The following XPO5 variants were observed in gnomAD, a reference collection of about 807,000 sequenced individuals.
XPO5 encodes exportin-5.
A neutral mutation model predicts 160.6 loss-of-function variants in XPO5; 46 were observed. That is an observed-to-expected ratio of 0.29 (90% CI 0.23 to 0.37). The LOEUF is 0.37. XPO5 is among the 10% of genes least tolerant of loss of function. The probability of loss-of-function intolerance (pLI) is 1.00; values close to 1 mark genes in which losing one functional copy is unlikely to be tolerated. For missense variants in XPO5, 1,090 were observed against 1,463.9 expected (o/e 0.74, Z 4.17); for synonymous variants, 537 against 519.3 (o/e 1.03, Z -0.46).
rs1763136727 is a variant in XPO5 at position 43,573,821 on chromosome 6, A to AT, written c.106-221dup. ...CTCTATTAAATATATATATATATAT[A>AT]TATTTTTTTTTTTTTTTTTTGAGAC... On this transcript the variant is annotated intron_variant, in intron 1 of 31. Coordinates refer to ENST00000265351, the MANE Select transcript of XPO5 (RefSeq NM_020750.3). 1.8e-4 allele frequency among the ~76,000 whole-genome samples: 22 copies of AT among 122,690 alleles called. No individual in the cohort carries two copies. In the South Asian group the frequency reaches 3.9e-3, roughly 22 times the overall value. 80.5% of individuals were successfully genotyped at this position (122,690 alleles called of 152,430 possible).
At chr6:43,563,846 T>C (rs1762544108) in intron 8 of XPO5, among the ~76,000 whole-genome samples, 1 of 152,132 alleles carries the variant, frequency 6.6e-6, no homozygotes, top group Admixed American at 6.5e-5. Context: ...GAGTGAGTGG[T>C]GAGTGAATGT....
chr6:43,528,906 C>T lies in XPO5; in HGVS notation c.2697G>A (p.Leu899=). The T allele has an allele frequency of 6.2e-7, 1 of 1,613,220 alleles. No individual in the cohort carries two copies. The highest frequency in any genetic ancestry group is 8.5e-7 in the Non-Finnish European group (1 of 1,179,736). ...RPMLRVFVKP[L]VLFCPPEHYE... ...AGTGCTCTGGGGGACAGAAGAGCACCAGAGGCTTTACAAAGACACGTGCTG... is the reference window on the plus strand; with the variant it reads ...AGTGCTCTGGGGGACAGAAGAGCACTAGAGGCTTTACAAAGACACGTGCTG... The change falls in exon 24 of 32, where the codon CTG becomes CTA. Residue 899 remains leucine, a synonymous_variant. Coordinates refer to ENST00000265351, the MANE Select transcript of XPO5 (RefSeq NM_020750.3).
rs149853219 is a variant in XPO5, at chr6:43,574,747, G to A, written c.105+1013C>T. Reference sequence around the variant, plus strand: ...AAAAAGTAAATGCGGTAAAATCTTTGATTGCTGAATTTAGGTGACAGGAAC... The same window carrying A: ...AAAAAGTAAATGCGGTAAAATCTTTAATTGCTGAATTTAGGTGACAGGAAC... On this transcript the variant is annotated intron_variant, in intron 1 of 31. Transcript: ENST00000265351. Among the ~76,000 whole-genome samples the A allele has an allele frequency of 1.1e-4, 17 of 152,084 alleles. No homozygotes were observed. In the East Asian group the frequency reaches 3.3e-3, roughly 29 times the overall value.
At position 43,522,714 on chromosome 6, in the gene XPO5, C is replaced by CT. The variant is rs1793270482; in HGVS notation, c.*1153dup. 1 of 502,210 alleles carries CT rather than the reference C, an allele frequency of 2.0e-6. No individual in the cohort carries two copies. Among genetic ancestry groups the CT allele is most frequent in the Non-Finnish European group, 4.1e-6 (1 of 241,150 alleles). 31.1% of individuals were successfully genotyped at this position (502,210 alleles called of 1,614,324 possible). On this transcript the variant is annotated 3_prime_UTR_variant, in exon 32 of 32. Coordinates refer to ENST00000265351, the MANE Select transcript of XPO5 (RefSeq NM_020750.3). ...CCACTTCGGCTCTCGGGGAAACCCT[C>CT]TTGTCAGTGGACTGGATGGACAACA...
At position 43,560,007 on chromosome 6, in the gene XPO5, C is replaced by T. The variant is rs1274846822; in HGVS notation, c.1221+171G>A. 2.0e-5 allele frequency among the ~76,000 whole-genome samples: 3 copies of T among 152,234 alleles called. No individual in the cohort carries two copies. The East Asian group carries it at 5.8e-4, about 29-fold the overall frequency. ...AATTTTTTTGTATTTTTAGTAGAGA[C>T]GAGGTTTTGCCATGTCGCACAGGCT... is the stretch of plus-strand genomic sequence containing the variant. On this transcript the variant is annotated intron_variant, in intron 11 of 31. Transcript: ENST00000265351.
chr6:43,561,254 C>T, intron 9 of XPO5: 1 of 408,128 alleles, frequency 2.5e-6, no homozygotes, highest in Non-Finnish European at 4.4e-6. Flanking sequence ...TGTGGTCAAA[C>T]AGTAAAATAA....
intron 20 of XPO5, among the ~76,000 whole-genome samples, chr6:43,540,109 G>T (rs557430342): frequency 5.9e-5 from 9 of 152,252 alleles, no homozygotes; most frequent in Admixed American, 4.6e-4. Flanking sequence ...TACAAAATTA[G>T]CTGGGCATGG....
At chr6:43,564,624 A>G (rs527929962) in intron 8 of XPO5, among the ~76,000 whole-genome samples, 1 of 152,136 alleles carries the variant, frequency 6.6e-6, no homozygotes, top group South Asian at 2.1e-4. Context: ...TTTTTTTGAG[A>G]CAAGGTCTCA....
At chr6:43,526,074 G>T in intron 27 of XPO5, 153 bp from the exon 28 acceptor site, 1 of 691,274 alleles carries the variant, frequency 1.4e-6, no homozygotes, top group Non-Finnish European at 2.4e-6. Flanking sequence ...TCCACATAAT[G>T]CCCATGCCCA....
Position 43,561,054 on chromosome 6 carries a change from GGA to G in XPO5, c.1012-49_1012-48del, listed in dbSNP as rs770206276. 294 of 1,474,310 alleles carry G rather than the reference GGA, an allele frequency of 2.0e-4. 1 individual carries two copies. The highest frequency in any genetic ancestry group is 2.4e-4 in the Non-Finnish European group (255 of 1,058,560). The allele number at this position is 1,474,310 out of a possible 1,614,324, so 91.3% of individuals were successfully genotyped here. On this transcript the variant is annotated intron_variant, in intron 9 of 31. Transcript: ENST00000265351. Reference sequence around the variant, plus strand: ...TTAACGGTGTTGATCGAGAAAAGCAGGAGAGGAAAAAGCAGGGAAGTAATAAA... The same window carrying G: ...TTAACGGTGTTGATCGAGAAAAGCAGGAGGAAAAAGCAGGGAAGTAATAAA...
chr6:43,526,164 A>C, intron 27 of XPO5: 3 of 509,542 alleles, frequency 5.9e-6, no homozygotes, highest in Non-Finnish European at 7.0e-6. Context: ...AATGCTGCAA[A>C]TACTGAAGTT....
chr6:43,564,129 C>T (rs1298547783), intron 8 of XPO5, among the ~76,000 whole-genome samples: 1 of 152,138 alleles, frequency 6.6e-6, no homozygotes, highest in Non-Finnish European at 1.5e-5. Flanking sequence ...ACCATGTTGG[C>T]CAGGCTGGTC....
At chr6:43,531,386 A>T in intron 22 of XPO5, 93 bp downstream of exon 22, 2 of 1,157,862 alleles carry the variant, frequency 1.7e-6, no homozygotes, top group Non-Finnish European at 2.6e-6. Context: ...GCCTCGCCTT[A>T]CCTGTACACT....
At chr6:43,548,514 A>C in intron 17 of XPO5, 54 bp from the exon 18 acceptor site, 3 of 1,417,050 alleles carry the variant, frequency 2.1e-6, no homozygotes, top group Non-Finnish European at 2.8e-6. Flanking sequence ...ATTTTCAAGG[A>C]GAGGTGGCTT....
intron 11 of XPO5, 55 bp from the exon 12 acceptor site, chr6:43,558,646 T>C (rs1172626151): frequency 8.8e-6 from 12 of 1,369,656 alleles, no homozygotes; most frequent in Non-Finnish European, 1.2e-5. Flanking sequence ...ACTGAAAGAG[T>C]TTTTAAGCTT....
intron 1 of XPO5, among the ~76,000 whole-genome samples, chr6:43,575,264 A>G (rs918308000): frequency 4.6e-5 from 7 of 152,224 alleles, no homozygotes; most frequent in African/African-American, 1.7e-4. Flanking sequence ...AGTTAGCGAG[A>G]TGTTAAAGCA....
intron 28 of XPO5, 128 bp from the exon 29 acceptor site, chr6:43,525,342 T>C: frequency 2.3e-6 from 2 of 882,922 alleles, no homozygotes; most frequent in South Asian, 3.5e-5. Flanking sequence ...TTTGTTTTGT[T>C]GCCCAGGCTG....
intron 20 of XPO5, among the ~76,000 whole-genome samples, chr6:43,537,791 G>C (rs1398788280): frequency 2.0e-5 from 3 of 152,164 alleles, no homozygotes; most frequent in African/African-American, 7.2e-5. Flanking sequence ...AGAGGGCCAG[G>C]CATGGTAGCT....
At chr6:43,535,652 T>C (rs778751153) in intron 20 of XPO5, among the ~76,000 whole-genome samples, 57 of 149,620 alleles carry the variant, frequency 3.8e-4, no homozygotes, top group Middle Eastern at 6.8e-3. Flanking sequence ...CTACTAAAAA[T>C]ACAAAAGCTA....
Sources: gnomAD v4.1 joint callset for allele counts (sites outside exome capture counted in the v4.1 genomes callset) on GRCh38, gnomAD v4.1.1 for gene constraint, MANE v1.5 for transcripts, NCBI Gene and HGNC (gene_info 2026-07-23, HGNC 2026-07-21) for gene names.